Variants in SAMD12 observed in about 807,000 individuals in gnomAD.
The protein encoded by SAMD12 is sterile alpha motif domain-containing protein 12.
A neutral mutation model predicts 15.0 loss-of-function variants in SAMD12; 9 were observed. That is an observed-to-expected ratio of 0.60 (90% CI 0.36 to 1.05). The LOEUF is 1.05. SAMD12 is among the 50% of genes least tolerant of loss of function. The pLI is 0.01. For synonymous variants in SAMD12, 86 were observed against 90.1 expected, an observed-to-expected ratio of 0.96 and a Z score of 0.25; for missense variants, 230 against 234.2, an observed-to-expected ratio of 0.98 and a Z score of 0.12.
chr8:118,382,548 G>T (rs1023839466), intron 3 of SAMD12, among the ~76,000 whole-genome samples: 1 of 152,148 alleles, frequency 6.6e-6, no homozygotes, highest in African/African-American at 2.4e-5. Flanking sequence ...AAATATATGA[G>T]TCAGAAAATT....
chr8:118,323,936 AG>A (rs1281877551), intron 4 of SAMD12, among the ~76,000 whole-genome samples: 2 of 152,120 alleles, frequency 1.3e-5, no homozygotes, highest in Non-Finnish European at 2.9e-5. Flanking sequence ...CTATACATAC[AG>A]GTTTTTTTCA....
At chr8:118,148,491 G>A in the SAMD12 span, among the ~76,000 whole-genome samples, 2 of 151,892 alleles carry the variant, frequency 1.3e-5, no homozygotes, top group African/African-American at 4.8e-5. Flanking sequence ...AAGTAAAATC[G>A]TACAAACATT....
intron 4 of SAMD12, among the ~76,000 whole-genome samples, chr8:118,349,568 C>T (rs77158623): frequency 6.6e-6 from 1 of 152,190 alleles, no homozygotes; most frequent in African/African-American, 2.4e-5. Flanking sequence ...AAGTCAGACT[C>T]TAGAACATTC....
intron 4 of SAMD12, among the ~76,000 whole-genome samples, chr8:118,271,822 A>G (rs1474237699): frequency 6.6e-6 from 1 of 152,210 alleles, no homozygotes; most frequent in Non-Finnish European, 1.5e-5. Context: ...CTGATGCAAG[A>G]CACTGATGCT....
intron 4 of SAMD12, among the ~76,000 whole-genome samples, chr8:118,291,886 C>A (rs761082306): frequency 6.6e-6 from 1 of 151,076 alleles, no homozygotes; most frequent in Non-Finnish European, 1.5e-5. Flanking sequence ...GACTCATTGC[C>A]AACACCCTGT....
At chr8:118,360,882 G>T (rs1409638060) in intron 4 of SAMD12, among the ~76,000 whole-genome samples, 1 of 152,190 alleles carries the variant, frequency 6.6e-6, no homozygotes, top group Non-Finnish European at 1.5e-5. Context: ...AAGCTTAAAA[G>T]AACTAGTGTG....
intron 4 of SAMD12, among the ~76,000 whole-genome samples, chr8:118,345,353 A>G (rs1199662193): frequency 6.6e-6 from 1 of 152,240 alleles, no homozygotes; most frequent in Non-Finnish European, 1.5e-5. Flanking sequence ...CTAATGATGC[A>G]TATCCCAGAA....
intron 3 of SAMD12, among the ~76,000 whole-genome samples, chr8:118,435,028 G>T (rs1308005740): frequency 3.5e-5 from 1 of 28,650 alleles, no homozygotes; most frequent in East Asian, 6.4e-4. Context: ...GCGTGAACCC[G>T]GGAGGCGGAG....
chr8:118,525,513 T>C (rs112828447), intron 2 of SAMD12, among the ~76,000 whole-genome samples: 1,998 of 152,294 alleles, frequency 0.013, 57 homozygotes, highest in African/African-American at 0.046. Context: ...TGGCCCATCA[T>C]AGAAGCTCAA....
intron 4 of SAMD12, among the ~76,000 whole-genome samples, chr8:118,345,562 A>T (rs1215495879): frequency 1.3e-5 from 2 of 152,248 alleles, no homozygotes; most frequent in Non-Finnish European, 1.5e-5. Flanking sequence ...GGACAAAGAT[A>T]TAGAAGAAAG....
intron 2 of SAMD12, among the ~76,000 whole-genome samples, chr8:118,545,242 G>T (rs549331812): frequency 3.9e-5 from 6 of 152,292 alleles, no homozygotes; most frequent in African/African-American, 1.4e-4. Flanking sequence ...CGAAGTAGGT[G>T]GATTACCTGA....
intron 2 of SAMD12, among the ~76,000 whole-genome samples, chr8:118,484,360 C>T (rs2515035): frequency 0.15 from 23,540 of 152,136 alleles, 1,866 homozygotes; most frequent in East Asian, 0.27. Context: ...TACTGTACAG[C>T]ACAGTGCCTA....
intron 3 of SAMD12, among the ~76,000 whole-genome samples, chr8:118,383,933 C>T (rs766604059): frequency 2.0e-5 from 3 of 151,944 alleles, no homozygotes; most frequent in East Asian, 1.9e-4. Flanking sequence ...ACAAGTAAAC[C>T]GACAACTAGA....
the SAMD12 span, among the ~76,000 whole-genome samples, chr8:118,165,603 CATATATATATGTATATATATAT>C: frequency 1.3e-5 from 1 of 76,238 alleles, no homozygotes. Flanking sequence ...TACATATATA[CATATATATATGTATATATATAT>C]ATATATATAT....
intron 4 of SAMD12, among the ~76,000 whole-genome samples, chr8:118,293,058 AAAACAAAC>A (rs146263489): frequency 4.6e-5 from 7 of 151,962 alleles, no homozygotes; most frequent in Non-Finnish European, 1.0e-4. Flanking sequence ...TAATAATAAA[AAAACAAAC>A]AAACAAAAAA....
chr8:118,190,403 C>T (rs1819332021), exon 5 of SAMD12: 1 of 152,162 alleles, frequency 6.6e-6, no homozygotes, highest in Non-Finnish European at 1.5e-5. Context: ...TGGCAGTCTT[C>T]ACCTTGGTAG....
At chr8:118,195,960 A>G (rs1400750513) in exon 5 of SAMD12, 1 of 152,204 alleles carries the variant, frequency 6.6e-6, no homozygotes, top group Non-Finnish European at 1.5e-5. Flanking sequence ...TACGGTCTGC[A>G]GAGGGCCTGG....
chr8:118,474,748 A>G (rs560054633), intron 2 of SAMD12, among the ~76,000 whole-genome samples: 9 of 152,160 alleles, frequency 5.9e-5, no homozygotes, highest in Admixed American at 5.9e-4. Context: ...CATCAACCCA[A>G]TAAGACAGAT....
intron 2 of SAMD12, among the ~76,000 whole-genome samples, chr8:118,462,868 C>A (rs547845120): frequency 1.4e-4 from 22 of 151,834 alleles, no homozygotes; most frequent in Non-Finnish European, 2.9e-4. Context: ...TTTGGGAGGC[C>A]GAGACGGGCG....
Sources: allele counts gnomAD v4.1 joint callset (sites outside exome capture counted in the v4.1 genomes callset), GRCh38; gene constraint gnomAD v4.1.1; transcripts MANE v1.5; gene names NCBI Gene and HGNC (gene_info 2026-07-23, HGNC 2026-07-21).